TMEM273: variants seen among roughly 807,000 people sequenced by gnomAD.
TMEM273 encodes transmembrane protein 273.
A neutral mutation model predicts 17.9 loss-of-function variants in TMEM273; 19 were observed. The observed-to-expected ratio is 1.06, with a 90% CI of 0.74 to 1.55. The LOEUF is 1.55. Among genes scored for constraint, TMEM273 ranks in the 40% most tolerant of loss-of-function variants. The pLI, the probability that TMEM273 is intolerant of heterozygous loss-of-function variation, is 0.00. For missense variants in TMEM273, 194 were observed against 155.6 expected, an observed-to-expected ratio of 1.25 and a Z score of -1.31; for synonymous variants, 66 against 62.0, an observed-to-expected ratio of 1.07 and a Z score of -0.31.
rs1232061582 is a variant in TMEM273, at chr10:49,167,929, T to C, written c.77A>G (p.Lys26Arg). 5.0e-6 allele frequency: 8 copies of C among 1,614,036 alleles called. No homozygotes were observed. Among genetic ancestry groups the C allele is most frequent in the Non-Finnish European group, 6.8e-6 (8 of 1,179,980 alleles). ...CGTACCAATTTCAGCCCCAGGGGTCTTGCCTGTTGCCAGCACTTGAGCTCC... is the reference window on the plus strand; with the variant it reads ...CGTACCAATTTCAGCCCCAGGGGTCCTGCCTGTTGCCAGCACTTGAGCTCC... ...VGGAQVLATG[K>R]TPGAEIDFKY... The change falls in exon 2 of 7, where the codon AAG (lysine) becomes AGG (arginine). Residue 26 changes from lysine (K) to arginine (R), a missense_variant. Transcript: ENST00000374153.
chr10:49,166,565 G>C (rs941832103), intron 3 of TMEM273: 2 of 368,856 alleles, frequency 5.4e-6, no homozygotes, highest in Non-Finnish European at 5.1e-6. Flanking sequence ...TGATTCTCAG[G>C]ACTGCCAAGA....
intron 1 of TMEM273, among the ~76,000 whole-genome samples, chr10:49,186,073 A>AAGAAGAAGAAGG (rs1847675902): frequency 7.2e-6 from 1 of 139,276 alleles, no homozygotes; most frequent in East Asian, 2.1e-4. Context: ...GAAGAGGAAG[A>AAGAAGAAGAAGG]AGAAGAAGAA....
chr10:49,172,223 T>C (rs1451497745), intron 1 of TMEM273, among the ~76,000 whole-genome samples: 1 of 152,130 alleles, frequency 6.6e-6, no homozygotes, highest in African/African-American at 2.4e-5. Context: ...AAAGAGCCTA[T>C]AGGGTGTTCC....
chr10:49,171,022 G>A (rs1846530938), intron 1 of TMEM273, among the ~76,000 whole-genome samples: 1 of 152,182 alleles, frequency 6.6e-6, no homozygotes, highest in Non-Finnish European at 1.5e-5. Context: ...TTAGATCTGT[G>A]GGAGACCCCA....
Position 49,166,978 on chromosome 10 carries a change from C to T in TMEM273, c.129G>A (p.Val43=). The T allele has an allele frequency of 6.2e-7, 1 of 1,614,202 alleles. No homozygotes were observed. ...GGAAGCCAGCAGATATGGCGACACC[C>T]ACAGCAGTCCCGATGAGGGCGTACT... ...DFKYALIGTA[V]GVAISAGFLA... is the part of the protein sequence containing the mutation. The change falls in exon 3 of 7, where the codon GTG becomes GTA. Residue 43 remains valine (V), a synonymous_variant. Coordinates refer to ENST00000374153, the MANE Select transcript of TMEM273 (RefSeq NM_001288740.3).
chr10:49,172,634 T>A (rs1846653543), intron 1 of TMEM273, among the ~76,000 whole-genome samples: 1 of 152,126 alleles, frequency 6.6e-6, no homozygotes, highest in Non-Finnish European at 1.5e-5. Flanking sequence ...GAGATCTGAG[T>A]CCCCATTCTG....
At chr10:49,167,728 A>T (rs767119007) in intron 2 of TMEM273, among the ~76,000 whole-genome samples, 181 bp downstream of exon 2, 4 of 152,194 alleles carry the variant, frequency 2.6e-5, no homozygotes, top group Non-Finnish European at 4.4e-5. Context: ...GCTTTAATGC[A>T]AGGCCTTTCC....
chr10:49,162,493 G>A (rs1456228432), intron 5 of TMEM273, among the ~76,000 whole-genome samples: 1 of 152,236 alleles, frequency 6.6e-6, no homozygotes, highest in Non-Finnish European at 1.5e-5. Flanking sequence ...GCAAAGCAAA[G>A]TGCCTTAACT....
intron 1 of TMEM273, among the ~76,000 whole-genome samples, chr10:49,175,736 T>G (rs1392956172): frequency 6.6e-6 from 1 of 152,146 alleles, no homozygotes; most frequent in Non-Finnish European, 1.5e-5. Context: ...GTGTCCCAGG[T>G]CCATTCTGAC....
chr10:49,169,347 G>A (rs575466523), intron 1 of TMEM273, among the ~76,000 whole-genome samples: 2 of 152,348 alleles, frequency 1.3e-5, no homozygotes, highest in South Asian at 2.1e-4. Flanking sequence ...ACCCAACCCT[G>A]TCTGCTGACC....
In TMEM273 at chr10:49,166,949, G is replaced by A; in HGVS notation, c.158C>T (p.Ala53Val). 1 of 1,614,150 alleles carries A rather than the reference G, an allele frequency of 6.2e-7. No homozygotes were observed. Among genetic ancestry groups the A allele is most frequent in the Non-Finnish European group, 8.5e-7 (1 of 1,180,028 alleles). ...CCTCCTGATCATGCAGATCTTCAGG[G>A]CCAGGAAGCCAGCAGATATGGCGAC... ...VGVAISAGFL[A>V]LKICMIRRHL... The change falls in exon 3 of 7, where the codon GCC (alanine) becomes GTC (valine). Residue 53 changes from alanine (A) to valine (V), a missense_variant. Transcript: ENST00000374153.
chr10:49,178,348 A>G (rs1847129843), intron 1 of TMEM273: 4 of 455,756 alleles, frequency 8.8e-6, no homozygotes, highest in South Asian at 4.7e-5. Flanking sequence ...AATTGACTCA[A>G]ACAAGTGCTA....
rs903038875 is a variant in TMEM273 at position 49,170,073 on chromosome 10, T to C, written c.44-2111A>G. On this transcript the variant is annotated intron_variant, in intron 1 of 6. Transcript: ENST00000374153. Reference sequence around the variant, plus strand: ...TGGTGGGCATTGCTCTCACTTGCAGTGTTGGCATGGAAACTTCATGCTAGC... The same window carrying C: ...TGGTGGGCATTGCTCTCACTTGCAGCGTTGGCATGGAAACTTCATGCTAGC... Among the ~76,000 whole-genome samples the C allele has an allele frequency of 3.3e-5, 5 of 151,890 alleles. No homozygotes were observed. The East Asian group carries it at 9.7e-4, about 30-fold the overall frequency.
chr10:49,162,887 C>T (rs1233127855), intron 5 of TMEM273, among the ~76,000 whole-genome samples: 1 of 152,216 alleles, frequency 6.6e-6, no homozygotes, highest in Non-Finnish European at 1.5e-5. Flanking sequence ...TCCATGGCCT[C>T]CTCATGTCCT....
At chr10:49,170,213 C>T (rs951507276) in intron 1 of TMEM273, among the ~76,000 whole-genome samples, 1 of 152,228 alleles carries the variant, frequency 6.6e-6, no homozygotes, top group African/African-American at 2.4e-5. Flanking sequence ...TTGAGTCACT[C>T]AGACCATCAT....
chr10:49,172,495 C>CT (rs1400232967), intron 1 of TMEM273, among the ~76,000 whole-genome samples: 1 of 152,144 alleles, frequency 6.6e-6, no homozygotes, highest in East Asian at 1.9e-4. Flanking sequence ...CAAGAGGCCC[C>CT]ACAGCCAGAC....
At chr10:49,166,768 C>G in intron 3 of TMEM273, 101 bp downstream of exon 3, 1 of 1,547,362 alleles carries the variant, frequency 6.5e-7, no homozygotes, top group Non-Finnish European at 8.8e-7. Context: ...CTGTTGGGCT[C>G]TGCGCTTGTG....
At chr10:49,187,656 C>T (rs555342431) in intron 1 of TMEM273, among the ~76,000 whole-genome samples, 12 of 152,252 alleles carry the variant, frequency 7.9e-5, no homozygotes, top group Middle Eastern at 6.8e-3. Context: ...GAGTTTCTTC[C>T]TCTCTGTCTA....
chr10:49,174,906 A>G (rs1345833575), intron 1 of TMEM273, among the ~76,000 whole-genome samples: 1 of 152,200 alleles, frequency 6.6e-6, no homozygotes, highest in Non-Finnish European at 1.5e-5. Flanking sequence ...CACATACGGC[A>G]GTCCCTGCTA....
Sources: allele counts gnomAD v4.1 joint callset (sites outside exome capture counted in the v4.1 genomes callset), GRCh38; gene constraint gnomAD v4.1.1; transcripts MANE v1.5; gene names NCBI Gene and HGNC (gene_info 2026-07-23, HGNC 2026-07-21).